NEGR1: variants seen among roughly 807,000 people sequenced by gnomAD.
The protein encoded by NEGR1 is IgLON family member 4.
Under a neutral mutation model 40.9 loss-of-function variants are expected in NEGR1, and 10 were observed. The observed-to-expected ratio is 0.24, with a 90% CI of 0.15 to 0.42. The LOEUF (loss-of-function observed/expected upper bound fraction) is 0.42. Among genes scored for constraint, NEGR1 ranks in the 10% least tolerant of loss-of-function variants. The pLI, the probability that NEGR1 is intolerant of heterozygous loss-of-function variation, is 1.00. For missense variants in NEGR1, 352 were observed against 438.9 expected (o/e 0.80, Z 1.77); for synonymous variants, 185 against 166.8 (o/e 1.11, Z -0.84).
chr1:71,907,714 A>G (rs1312413057), intron 2 of NEGR1, among the ~76,000 whole-genome samples: 1 of 152,160 alleles, frequency 6.6e-6, no homozygotes, highest in Non-Finnish European at 1.5e-5. Context: ...CGTTCATTGC[A>G]GCACTACTCA....
chr1:71,817,580 G>A (rs1014707988), intron 2 of NEGR1, among the ~76,000 whole-genome samples: 6 of 151,956 alleles, frequency 3.9e-5, no homozygotes, highest in Non-Finnish European at 7.4e-5. Context: ...GGAAGATGGC[G>A]TTTAGTTTTT....
chr1:72,144,431 G>A (rs1650830120), intron 1 of NEGR1, among the ~76,000 whole-genome samples: 1 of 150,340 alleles, frequency 6.7e-6, no homozygotes, highest in Non-Finnish European at 1.5e-5. Context: ...AAGAAACACT[G>A]TTAAAAACAG....
chr1:71,563,254 C>A (rs1236806156), intron 6 of NEGR1, among the ~76,000 whole-genome samples: 1 of 151,932 alleles, frequency 6.6e-6, no homozygotes, highest in Non-Finnish European at 1.5e-5. Flanking sequence ...CTGGGAGATA[C>A]TTAATCTCCT....
intron 1 of NEGR1, among the ~76,000 whole-genome samples, chr1:72,110,225 A>C (rs1036733448): frequency 2.0e-5 from 3 of 146,726 alleles, no homozygotes; most frequent in African/African-American, 7.9e-5. Flanking sequence ...GTATAATAAA[A>C]AAAAAAAAAA....
At chr1:72,018,730 C>T (rs1429447939) in intron 1 of NEGR1, among the ~76,000 whole-genome samples, 1 of 152,150 alleles carries the variant, frequency 6.6e-6, no homozygotes, top group African/African-American at 2.4e-5. Context: ...CCAGCAGCAG[C>T]CACAAGGCCA....
rs1025499089 is a variant in NEGR1 at position 71,982,986 on chromosome 1, T to G, written c.177-47675A>C. 2.6e-5 allele frequency among the ~76,000 whole-genome samples: 4 copies of G among 152,278 alleles called. No individual in the cohort carries two copies. The South Asian group carries it at 8.3e-4, about 32-fold the overall frequency. ...TCTTTCTCGGGTGTTGATGTAATCA[T>G]TGTAGTTCTTATGAATCCTATACAT... On this transcript the variant is annotated intron_variant, in intron 1 of 6. Transcript: ENST00000357731.
At chr1:71,693,385 A>G (rs1217166785) in intron 4 of NEGR1, among the ~76,000 whole-genome samples, 1 of 151,630 alleles carries the variant, frequency 6.6e-6, no homozygotes, top group Non-Finnish European at 1.5e-5. Context: ...TATTTATTCA[A>G]CAACTATTTT....
At chr1:71,870,422 G>T (rs1660248232) in intron 2 of NEGR1, among the ~76,000 whole-genome samples, 1 of 152,034 alleles carries the variant, frequency 6.6e-6, no homozygotes, top group South Asian at 2.1e-4. Flanking sequence ...GCTCTTCCTG[G>T]ATATTGATGA....
intron 1 of NEGR1, among the ~76,000 whole-genome samples, chr1:72,217,038 A>G (rs1341073392): frequency 6.6e-6 from 1 of 151,684 alleles, no homozygotes; most frequent in Non-Finnish European, 1.5e-5. Flanking sequence ...TAAGGTTTCA[A>G]CTATATCTTC....
intron 2 of NEGR1, among the ~76,000 whole-genome samples, chr1:71,807,826 C>A (rs79428344): frequency 0.014 from 2,065 of 152,138 alleles, 13 homozygotes; most frequent in Non-Finnish European, 0.021. Context: ...AGTATCATCA[C>A]CAAAAAAGCT....
At chr1:71,899,145 A>T (rs1570478176) in intron 2 of NEGR1, among the ~76,000 whole-genome samples, 3 of 151,198 alleles carry the variant, frequency 2.0e-5, no homozygotes, top group Admixed American at 2.0e-4. Flanking sequence ...AAAAGTGAGA[A>T]ATTCAACCTT....
intron 1 of NEGR1, among the ~76,000 whole-genome samples, chr1:72,143,930 T>TATAAAA (rs1553145052): frequency 7.1e-6 from 1 of 140,506 alleles, no homozygotes; most frequent in Non-Finnish European, 1.5e-5. Context: ...TATATATATA[T>TATAAAA]ATATATATAT....
intron 6 of NEGR1, among the ~76,000 whole-genome samples, chr1:71,431,423 C>T (rs1009270595): frequency 2.6e-5 from 4 of 152,154 alleles, no homozygotes; most frequent in East Asian, 3.9e-4. Context: ...GTGAGTATTT[C>T]GAATTGAACT....
In NEGR1 at chr1:71,878,974, A is replaced by C. The variant is rs144057514; in HGVS notation, c.409+56105T>G. On this transcript the variant is annotated intron_variant, in intron 2 of 6. Transcript: ENST00000357731. The stretch of plus-strand genomic sequence containing the variant: ...CATAGAGAAACCCCGTCTCTACTAA[A>C]AATATAAAATTAGCCAGGGGTGGTG... Among the ~76,000 whole-genome samples, 25 of 152,266 alleles carry C rather than the reference A, an allele frequency of 1.6e-4. No individual in the cohort carries two copies. In the East Asian group the frequency reaches 4.6e-3, roughly 28 times the overall value.
chr1:71,519,530 G>T (rs1242830723), intron 6 of NEGR1, among the ~76,000 whole-genome samples: 2 of 94,846 alleles, frequency 2.1e-5, no homozygotes, highest in East Asian at 2.8e-4. Flanking sequence ...ATTGAACAAT[G>T]AGATCACATG....
chr1:71,916,608 T>A (rs1244006796), intron 2 of NEGR1, among the ~76,000 whole-genome samples: 1 of 151,856 alleles, frequency 6.6e-6, no homozygotes, highest in Non-Finnish European at 1.5e-5. Flanking sequence ...TACAAAAAAT[T>A]AGCCAGGCAT....
intron 1 of NEGR1, among the ~76,000 whole-genome samples, chr1:72,184,052 C>T (rs1377373495): frequency 6.6e-6 from 1 of 151,986 alleles, no homozygotes; most frequent in Non-Finnish European, 1.5e-5. Context: ...TAAGATGTTT[C>T]CAAGGGCACA....
chr1:71,702,469 A>G (rs1653729471), intron 3 of NEGR1, among the ~76,000 whole-genome samples: 1 of 152,048 alleles, frequency 6.6e-6, no homozygotes, highest in African/African-American at 2.4e-5. Context: ...GTGACTCTGG[A>G]GCTATAAAGA....
chr1:71,743,696 G>C (rs545931428), intron 3 of NEGR1, among the ~76,000 whole-genome samples: 92 of 152,238 alleles, frequency 6.0e-4, no homozygotes, highest in African/African-American at 2.0e-3. Context: ...CAGGTTCTCT[G>C]TGTCAGTGTG....
Sources: allele counts gnomAD v4.1 joint callset (sites outside exome capture counted in the v4.1 genomes callset), GRCh38; gene constraint gnomAD v4.1.1; transcripts MANE v1.5; gene names NCBI Gene and HGNC (gene_info 2026-07-23, HGNC 2026-07-21).